Variants in GTF2A1 observed in about 807,000 individuals in gnomAD.
GTF2A1 encodes the protein transcription initiation factor IIA subunit 1.
In GTF2A1, 12 loss-of-function variants were observed where a neutral mutation model predicts 54.1. The observed-to-expected ratio is 0.22, with a 90% CI of 0.14 to 0.36. The LOEUF (loss-of-function observed/expected upper bound fraction) is 0.36. GTF2A1 is among the 10% of genes least tolerant of loss of function. The probability of loss-of-function intolerance (pLI) is 1.00; values close to 1 mark genes in which losing one functional copy is unlikely to be tolerated. For missense variants in GTF2A1, 335 were observed against 442.2 expected, an observed-to-expected ratio of 0.76 and a Z score of 2.17; for synonymous variants, 145 against 152.0, an observed-to-expected ratio of 0.95 and a Z score of 0.34.
Position 81,220,562 on chromosome 14 carries a change from A to G in GTF2A1, c.-44T>C, listed in dbSNP as rs745799665. ...CAAGAGGGGGCAACCCCAAGAAAAC[A>G]AGATAAAAACAAAACCAAAAAAAAA... On this transcript the variant is annotated 5_prime_UTR_variant, in exon 1 of 9. Coordinates refer to ENST00000553612, the MANE Select transcript of GTF2A1 (RefSeq NM_015859.4). The G allele has an allele frequency of 1.7e-4, 263 of 1,510,112 alleles. No homozygotes were observed. Among genetic ancestry groups the G allele is most frequent in the Non-Finnish European group, 2.2e-4 (249 of 1,117,374 alleles). The allele number at this position is 1,510,112 out of a possible 1,614,324, so 93.5% of individuals were successfully genotyped here. A position where few individuals can be genotyped will look rare whatever the true frequency, so the allele number is the denominator to read the frequency against.
rs757617431 is a variant in GTF2A1, at chr14:81,197,498, A to T, written c.403-14T>A. The stretch of plus-strand genomic sequence containing the variant: ...AGCAGCAGCACTCTGAAAAAAACAA[A>T]GAAAAAATATCAAAACCACATACAT... On this transcript the variant is annotated splice_polypyrimidine_tract_variant and intron_variant, in intron 4 of 8. Transcript: ENST00000553612. The T allele has an allele frequency of 2.1e-5, 31 of 1,477,204 alleles. No individual in the cohort carries two copies. Among genetic ancestry groups the T allele is most frequent in the Non-Finnish European group, 2.9e-5 (31 of 1,070,712 alleles). 91.5% of individuals were successfully genotyped at this position (1,477,204 alleles called of 1,614,324 possible).
At chr14:81,190,947 C>T (rs1892862649) in intron 7 of GTF2A1, among the ~76,000 whole-genome samples, 1 of 152,150 alleles carries the variant, frequency 6.6e-6, no homozygotes. Context: ...TACATATTTC[C>T]ATCCTACCAA....
At chr14:81,200,549 C>T (rs2140160416) in intron 4 of GTF2A1, among the ~76,000 whole-genome samples, 1 of 151,686 alleles carries the variant, frequency 6.6e-6, no homozygotes, top group Middle Eastern at 3.4e-3. Context: ...ATCACTTGAA[C>T]CTAGGAGGCG....
chr14:81,204,387 A>T (rs1893185086), intron 2 of GTF2A1: 2 of 507,412 alleles, frequency 3.9e-6, no homozygotes, highest in Non-Finnish European at 7.3e-6. Context: ...AGTTATTATT[A>T]AGCGATGAGT....
rs748574336 is a variant in GTF2A1 at position 81,204,122 on chromosome 14, A to G, written c.133-18T>C. On this transcript the variant is annotated intron_variant, in intron 2 of 8. Transcript: ENST00000553612. ...TCCCATAACTAAGGCAAAGAACATT[A>G]AAGATTTCTAAGTGAAAAATAACTC... 3 of 1,518,344 alleles carry G rather than the reference A, an allele frequency of 2.0e-6. No homozygotes were observed. Among genetic ancestry groups the G allele is most frequent in the South Asian group, 1.1e-5 (1 of 89,110 alleles). The allele number at this position is 1,518,344 out of a possible 1,614,324, so 94.1% of individuals were successfully genotyped here. A position where few individuals can be genotyped will look rare whatever the true frequency, so the allele number is the denominator to read the frequency against.
chr14:81,190,181 T>C (rs1305064159), intron 7 of GTF2A1, among the ~76,000 whole-genome samples: 2 of 151,204 alleles, frequency 1.3e-5, no homozygotes, highest in East Asian at 3.9e-4. Flanking sequence ...AGAAACAAAA[T>C]ACTTGAAGGG....
chr14:81,197,026 A>G (rs190262488), intron 5 of GTF2A1, among the ~76,000 whole-genome samples: 56 of 152,352 alleles, frequency 3.7e-4, no homozygotes, highest in Admixed American at 3.4e-3. Context: ...TATGTATAAT[A>G]ATAGCATACA....
In GTF2A1 at chr14:81,192,685, T is replaced by A; in HGVS notation, c.767A>T (p.Gln256Leu). Residue 256 changes from glutamine (Q) to leucine (L), a missense_variant, in exon 7 of 9, where the codon CAG (glutamine) becomes CTG (leucine). Gln to Leu is a moderately radical substitution (Grantham distance 113). This residue lies in a region of GTF2A1 where 306 missense variants were observed against 360.4 expected (regional missense o/e 0.85). Coordinates refer to ENST00000553612, the MANE Select transcript of GTF2A1 (RefSeq NM_015859.4). ...AQAQITATGQ[Q>L]QPQAQPAQTQ... The stretch of plus-strand genomic sequence containing the variant: ...TTGAGCAGGCTGGGCCTGCGGTTGC[T>A]GCTGGCCAGTTGCAGTTATCTGTGC... 6.2e-7 allele frequency: 1 copy of A among 1,614,230 alleles called. No individual in the cohort carries two copies. Among genetic ancestry groups the A allele is most frequent in the Non-Finnish European group, 8.5e-7 (1 of 1,180,012 alleles).
intron 8 of GTF2A1, among the ~76,000 whole-genome samples, chr14:81,183,728 C>G (rs186601842): frequency 2.6e-5 from 4 of 152,292 alleles, no homozygotes; most frequent in African/African-American, 7.2e-5. Flanking sequence ...TCCACCCACA[C>G]GTAAGCAAGA....
intron 5 of GTF2A1, 104 bp from the exon 6 acceptor site, chr14:81,196,345 T>G (rs1418607238): frequency 8.6e-7 from 1 of 1,163,634 alleles, no homozygotes; most frequent in South Asian, 1.3e-5. Flanking sequence ...CAAGAAATTA[T>G]CAAGAAAACT....
At chr14:81,203,720 T>A (rs184826565) in intron 3 of GTF2A1, among the ~76,000 whole-genome samples, 180 bp downstream of exon 3, 2 of 152,050 alleles carry the variant, frequency 1.3e-5, no homozygotes, top group Admixed American at 6.6e-5. Flanking sequence ...TACATACACA[T>A]CCCTCAGCCA....
intron 2 of GTF2A1, among the ~76,000 whole-genome samples, chr14:81,215,204 T>G (rs537437951): frequency 3.1e-4 from 47 of 152,344 alleles, no homozygotes; most frequent in African/African-American, 1.1e-3. Flanking sequence ...ATATCAACAT[T>G]GAGTCCTCAT....
intron 8 of GTF2A1, among the ~76,000 whole-genome samples, chr14:81,181,285 C>G (rs1250084181): frequency 6.6e-6 from 1 of 151,600 alleles, no homozygotes; most frequent in African/African-American, 2.4e-5. Context: ...GTTCAAGTTC[C>G]ACATCTTCTG....
At position 81,220,933 on chromosome 14, in the gene GTF2A1, C is replaced by CA. The variant is rs1893631026; in HGVS notation, c.-416_-415insT. ...AGCCAACAAGCTGCGCGAGCCACCA[C>CA]CGCCGCCGCCGCCGCCGCCGAGAGA... is the stretch of plus-strand genomic sequence containing the variant. On this transcript the variant is annotated 5_prime_UTR_variant, in exon 1 of 9. Transcript: ENST00000553612. 6.6e-6 allele frequency: 1 copy of CA among 151,996 alleles called. No homozygotes were observed. The highest frequency in any genetic ancestry group is 1.4e-5 in the Non-Finnish European group (1 of 74,068). The allele number at this position is 151,996 out of a possible 1,614,324, so 9.4% of individuals were successfully genotyped here.
chr14:81,204,177 T>A (rs1208845623), intron 2 of GTF2A1, 73 bp from the exon 3 acceptor site: 2 of 970,692 alleles, frequency 2.1e-6, no homozygotes, highest in Non-Finnish European at 3.4e-6. Flanking sequence ...GTTTTATTAA[T>A]CTCTTTATAA....
intron 2 of GTF2A1, among the ~76,000 whole-genome samples, chr14:81,213,823 A>G (rs1179649154): frequency 6.6e-6 from 1 of 151,036 alleles, no homozygotes; most frequent in Non-Finnish European, 1.5e-5. Context: ...TACCTCACAC[A>G]GGAAATATTT....
intron 3 of GTF2A1, 136 bp downstream of exon 3, chr14:81,203,764 A>AG: frequency 3.0e-6 from 2 of 675,382 alleles, no homozygotes; most frequent in Non-Finnish European, 5.2e-6. Context: ...AAATCAACAG[A>AG]GGGGTTTTTG....
intron 3 of GTF2A1, among the ~76,000 whole-genome samples, chr14:81,202,461 T>G (rs1241787523): frequency 6.6e-6 from 1 of 152,128 alleles, no homozygotes; most frequent in African/African-American, 2.4e-5. Context: ...GGTGCAGGGA[T>G]GCATGCCTGT....
chr14:81,194,320 T>C (rs899381889), intron 6 of GTF2A1, among the ~76,000 whole-genome samples: 3 of 152,124 alleles, frequency 2.0e-5, no homozygotes, highest in Non-Finnish European at 4.4e-5. Flanking sequence ...CATGGAAAAA[T>C]TGTCTTCTGC....
Sources: allele counts gnomAD v4.1 joint callset (sites outside exome capture counted in the v4.1 genomes callset), GRCh38; gene constraint gnomAD v4.1.1; regional missense constraint gnomAD v4.1.1; transcripts MANE v1.5; gene names NCBI Gene and HGNC (gene_info 2026-07-23, HGNC 2026-07-21).